Variants in PRDM10 observed in about 807,000 individuals in gnomAD.
PRDM10 encodes PR domain zinc finger protein 10.
A neutral mutation model predicts 133.1 loss-of-function variants in PRDM10; 65 were observed. That is an observed-to-expected ratio of 0.49 (90% CI 0.40 to 0.60). The LOEUF (loss-of-function observed/expected upper bound fraction) is 0.60. Among genes scored for constraint, PRDM10 ranks in the 20% least tolerant of loss-of-function variants. PRDM10 has a pLI of 0.00. For missense variants in PRDM10, 1,137 were observed against 1,507.1 expected (o/e 0.75, Z 4.07); for synonymous variants, 582 against 580.4 (o/e 1.00, Z -0.04).
intron 1 of PRDM10, among the ~76,000 whole-genome samples, chr11:129,993,296 A>G (rs971087233): frequency 2.6e-5 from 4 of 152,144 alleles, no homozygotes; most frequent in African/African-American, 9.7e-5. Context: ...CATCTTGTTT[A>G]AGAAATGTTT....
chr11:129,978,293 G>A (rs1937900604), intron 1 of PRDM10, among the ~76,000 whole-genome samples: 1 of 152,260 alleles, frequency 6.6e-6, no homozygotes, highest in South Asian at 2.1e-4. Context: ...TCCTCCAGAT[G>A]ATGTGAGTTT....
At position 129,932,224 on chromosome 11, in the gene PRDM10, C is replaced by T. The variant is rs139244517; in HGVS notation, c.1165G>A (p.Gly389Ser). The T allele has an allele frequency of 1.2e-5, 20 of 1,614,030 alleles. No homozygotes were observed. The highest frequency in any genetic ancestry group is 3.3e-4 in the Middle Eastern group (2 of 6,060). The change falls in exon 10 of 21, where the codon GGC becomes AGC. Residue 389 changes from glycine to serine, a missense_variant. Transcript: ENST00000360871. ...EKLDVFSRTR[G>S]RGRGRGKRRF... The stretch of plus-strand genomic sequence containing the variant: ...CTCTTGCCTCGTCCCCTTCCTCTGC[C>T]TCTTGTTCTGGGGACAAGAGATTGG...
At chr11:129,973,074 T>A (rs576865396) in intron 1 of PRDM10, among the ~76,000 whole-genome samples, 1 of 152,182 alleles carries the variant, frequency 6.6e-6, no homozygotes, top group Non-Finnish European at 1.5e-5. Context: ...AGTTCTAGGA[T>A]ACAAATTAGC....
intron 5 of PRDM10, among the ~76,000 whole-genome samples, chr11:129,946,575 G>C (rs142529217): frequency 1.1e-4 from 16 of 152,280 alleles, no homozygotes; most frequent in Middle Eastern, 3.4e-3. Flanking sequence ...TGGGGTGGCT[G>C]ATCAAGGGCG....
intron 2 of PRDM10, among the ~76,000 whole-genome samples, chr11:129,958,487 T>C (rs1179798185): frequency 6.6e-6 from 1 of 151,746 alleles, no homozygotes. Flanking sequence ...ACTAAAAAAA[T>C]ACAAAAATTA....
chr11:129,903,303 T>TAAC (rs1260663684), intron 20 of PRDM10, among the ~76,000 whole-genome samples: 7 of 45,116 alleles, frequency 1.6e-4, no homozygotes, highest in Non-Finnish European at 2.9e-4. Context: ...CGTCTCAAAA[T>TAAC]AATAATAATA....
At chr11:129,911,758 C>T (rs183954556) in intron 18 of PRDM10, among the ~76,000 whole-genome samples, 1 of 152,282 alleles carries the variant, frequency 6.6e-6, no homozygotes, top group African/African-American at 2.4e-5. Context: ...AACACAGTAA[C>T]ATAAAATATA....
Position 129,957,793 on chromosome 11 carries a change from C to G in PRDM10, c.187G>C (p.Gly63Arg), listed in dbSNP as rs1188946483. 4 of 1,614,194 alleles carry G rather than the reference C, an allele frequency of 2.5e-6. No individual in the cohort carries two copies. Among genetic ancestry groups the G allele is most frequent in the Middle Eastern group, 1.7e-4 (1 of 6,060 alleles). ...ATGTACACCAGCGTGTGCTCTGGAC[C>G]ATCCACTGATGTGTAGGAGGCACCA... ...ADGASYTSVD[G>R]PEHTLVYIHP... The change falls in exon 3 of 21, where the codon GGT becomes CGT. Residue 63 changes from glycine to arginine, a missense_variant. By Grantham distance (125) the Gly-to-Arg change is moderately radical (BLOSUM62 -2). This residue lies in a region of PRDM10 where 635 missense variants were observed against 835.2 expected (regional missense o/e 0.76). Transcript: ENST00000360871.
intron 15 of PRDM10, 84 bp downstream of exon 15, chr11:129,917,043 C>T (rs761541625): frequency 2.4e-5 from 22 of 902,496 alleles, no homozygotes; most frequent in East Asian, 1.4e-4. Flanking sequence ...ACAAAAAAAT[C>T]GTAGTATATA....
At position 129,900,039 on chromosome 11, in the gene PRDM10, AC is replaced by A. The variant is rs550889387; in HGVS notation, c.*2273del. On this transcript the variant is annotated 3_prime_UTR_variant, in exon 21 of 21. Transcript: ENST00000360871. ...CTGTCGGTACAAATCAATGATAAAA[AC>A]AAAATCTACATCCAACCTACTCCAA... 9.8e-5 allele frequency: 15 copies of A among 152,760 alleles called. No homozygotes were observed. Among genetic ancestry groups the A allele is most frequent in the African/African-American group, 3.6e-4 (15 of 41,582 alleles). 9.5% of individuals were successfully genotyped at this position (152,760 alleles called of 1,614,324 possible).
chr11:129,981,376 T>C (rs1938102499), intron 1 of PRDM10, among the ~76,000 whole-genome samples: 1 of 152,198 alleles, frequency 6.6e-6, no homozygotes, highest in African/African-American at 2.4e-5. Context: ...TTAGTGTCTG[T>C]CTTTCCACTG....
rs560877296 is a variant in PRDM10, at chr11:129,965,503, C to T, written c.-118-4421G>A. ...TAGACTCTCACCCCTCATCTTCTTG[C>T]GTCTCCTACCGACCTGAGGGAATGG... On this transcript the variant is annotated intron_variant, in intron 1 of 20. Coordinates refer to ENST00000360871, the MANE Select transcript of PRDM10 (RefSeq NM_199437.2). Among the ~76,000 whole-genome samples the T allele has an allele frequency of 5.3e-5, 8 of 152,224 alleles. No homozygotes were observed. The East Asian group carries it at 1.5e-3, about 29-fold the overall frequency.
chr11:129,911,137 T>C (rs1670977615), intron 18 of PRDM10, among the ~76,000 whole-genome samples: 1 of 152,218 alleles, frequency 6.6e-6, no homozygotes, highest in African/African-American at 2.4e-5. Context: ...AAAGCAAGCA[T>C]AACTATGAAA....
At chr11:129,983,519 C>G (rs572903328) in intron 1 of PRDM10, among the ~76,000 whole-genome samples, 2 of 151,804 alleles carry the variant, frequency 1.3e-5, no homozygotes, top group East Asian at 2.0e-4. Flanking sequence ...AGGATGCTCT[C>G]GATCTCCTGA....
intron 9 of PRDM10, among the ~76,000 whole-genome samples, chr11:129,933,863 C>T (rs936067362): frequency 2.0e-5 from 3 of 152,130 alleles, no homozygotes; most frequent in African/African-American, 7.2e-5. Context: ...TTGTAAGCCT[C>T]TTCATGCCAA....
At position 129,925,024 on chromosome 11, in the gene PRDM10, G is replaced by A; in HGVS notation, c.1736C>T (p.Ser579Leu). ...TSLESHMKLH[S>L]DQKTYSCIFC... ...AATGCAAGAGTAAGTCTTCTGGTCT[G>A]AGTGGAGCTTCATGTGGCTCTCCAA... The change falls in exon 12 of 21, where the codon TCA (serine) becomes TTA (leucine). Residue 579 changes from serine (S) to leucine (L), a missense_variant. Ser to Leu is a moderately radical substitution (Grantham distance 145). Around this residue, in one of 6 missense-constraint regions of PRDM10, gnomAD observed 635 missense variants for 835.2 expected, o/e 0.76. Transcript: ENST00000360871. 1.2e-6 allele frequency: 2 copies of A among 1,614,194 alleles called. No homozygotes were observed. Among genetic ancestry groups the A allele is most frequent in the East Asian group, 4.5e-5 (2 of 44,872 alleles).
rs775900388 is a variant in PRDM10 at position 129,914,942 on chromosome 11, G to T, written c.2603C>A (p.Thr868Lys). 4 of 1,614,176 alleles carry T rather than the reference G, an allele frequency of 2.5e-6. No homozygotes were observed. The highest frequency in any genetic ancestry group is 3.3e-5 in the Admixed American group (2 of 60,028). Reference protein sequence around the residue: ...QLSNTIHTPLTTAVISATPAV... With the variant: ...QLSNTIHTPLKTAVISATPAV... ...TGGGGTGGCACTGATCACAGCTGTC[G>T]TCAGTGGTGTGTGTATGGTGTTGGA... Residue 868 changes from threonine (T) to lysine (K), a missense_variant, in exon 17 of 21, where the codon ACG becomes AAG. This residue lies in a region of PRDM10 where 113 missense variants were observed against 143.7 expected (regional missense o/e 0.79). Coordinates refer to ENST00000360871, the MANE Select transcript of PRDM10 (RefSeq NM_199437.2).
intron 10 of PRDM10, among the ~76,000 whole-genome samples, chr11:129,931,566 A>ATTTTTTTTTTTTTT (rs1164067658): frequency 8.0e-6 from 1 of 124,404 alleles, no homozygotes; most frequent in Non-Finnish European, 1.7e-5. Flanking sequence ...TTTTTATTTT[A>ATTTTTTTTTTTTTT]TTTTATTTTA....
rs140045693 is a variant in PRDM10 at position 129,905,711 on chromosome 11, G to A, written c.3194C>T (p.Pro1065Leu). The A allele has an allele frequency of 1.3e-4, 209 of 1,613,972 alleles. No individual in the cohort carries two copies. Among genetic ancestry groups the A allele is most frequent in the Non-Finnish European group, 1.6e-4 (194 of 1,179,962 alleles). The change falls in exon 20 of 21, where the codon CCG (proline) becomes CTG (leucine). Residue 1065 changes from proline to leucine, a missense_variant. Physicochemically the swap from Pro to Leu is moderately conservative, Grantham distance 98 (BLOSUM62 -3). This residue lies in a region of PRDM10 where 243 missense variants were observed against 259.2 expected (regional missense o/e 0.94). Transcript: ENST00000360871. The part of the protein sequence containing the change: ...SSEIQMMTLP[P>L]GQFVITDSGV... ...ACTGTCTGTAATCACAAACTGACCC[G>A]GAGGAAGCGTCATCATTTGAATCTC...
Sources: allele counts gnomAD v4.1 joint callset (sites outside exome capture counted in the v4.1 genomes callset), GRCh38; gene constraint gnomAD v4.1.1; regional missense constraint gnomAD v4.1.1; transcripts MANE v1.5; gene names NCBI Gene and HGNC (gene_info 2026-07-23, HGNC 2026-07-21).